The following LRP1B variants were observed in gnomAD, a reference collection of about 807,000 sequenced individuals.
The protein encoded by LRP1B is LDL receptor related protein 1B.
Under a neutral mutation model 556.6 loss-of-function variants are expected in LRP1B, and 217 were observed. The observed-to-expected ratio is 0.39, with a 90% CI of 0.35 to 0.44. LRP1B has a LOEUF of 0.44. LRP1B is among the 20% of genes least tolerant of loss of function. The probability of loss-of-function intolerance (pLI) is 1.00; values close to 1 mark genes in which losing one functional copy is unlikely to be tolerated. For synonymous variants in LRP1B, 2,047 were observed against 1,865.8 expected (o/e 1.10, Z -2.50); for missense variants, 5,053 against 5,620.8 (o/e 0.90, Z 3.23).
At chr2:141,172,188 A>G (rs1680528234) in intron 7 of LRP1B, among the ~76,000 whole-genome samples, 1 of 152,054 alleles carries the variant, frequency 6.6e-6, no homozygotes, top group African/African-American at 2.4e-5. Context: ...TGAGCTTCCC[A>G]TGCACTTCAT....
chr2:140,406,682 G>A (rs930455358), intron 66 of LRP1B, among the ~76,000 whole-genome samples: 1 of 152,078 alleles, frequency 6.6e-6, no homozygotes, highest in African/African-American at 2.4e-5. Flanking sequence ...ATTGTTGGAA[G>A]AAATCACTAA....
intron 1 of LRP1B, among the ~76,000 whole-genome samples, chr2:142,019,302 G>C (rs1372052350): frequency 6.6e-6 from 1 of 152,134 alleles, no homozygotes; most frequent in African/African-American, 2.4e-5. Context: ...TAGTTCAGTA[G>C]TTTAGTGTTG....
chr2:141,985,218 A>T (rs768306905), intron 1 of LRP1B, among the ~76,000 whole-genome samples: 7 of 152,126 alleles, frequency 4.6e-5, no homozygotes, highest in Non-Finnish European at 8.8e-5. Context: ...AGTTAAATGA[A>T]TTTGAAATAG....
intron 77 of LRP1B, among the ~76,000 whole-genome samples, chr2:140,340,768 T>C (rs1681350189): frequency 6.6e-6 from 1 of 151,468 alleles, no homozygotes; most frequent in East Asian, 1.9e-4. Flanking sequence ...CGGTTTGGTA[T>C]ATCGAAACCA....
intron 1 of LRP1B, among the ~76,000 whole-genome samples, chr2:142,075,742 C>G (rs751307550): frequency 6.6e-6 from 1 of 152,074 alleles, no homozygotes; most frequent in Non-Finnish European, 1.5e-5. Flanking sequence ...TTCCTCTCTC[C>G]CTGATAACTC....
chr2:140,343,002 GA>G (rs2105099984), intron 77 of LRP1B, among the ~76,000 whole-genome samples: 1 of 147,002 alleles, frequency 6.8e-6, no homozygotes, highest in South Asian at 2.1e-4. Flanking sequence ...TCATTTGAAG[GA>G]ATTTTTTTTG....
chr2:142,093,148 T>C (rs1205634023), intron 1 of LRP1B, among the ~76,000 whole-genome samples: 1 of 152,166 alleles, frequency 6.6e-6, no homozygotes, highest in Non-Finnish European at 1.5e-5. Context: ...CTCCATCTTG[T>C]CATCATGTCT....
intron 66 of LRP1B, among the ~76,000 whole-genome samples, chr2:140,420,350 C>T (rs1468216189): frequency 6.6e-6 from 1 of 152,110 alleles, no homozygotes; most frequent in East Asian, 1.9e-4. Flanking sequence ...ACTACACATC[C>T]ATCAGGATGG....
chr2:141,123,232 AAAGTAT>A (rs1192687845), intron 7 of LRP1B, among the ~76,000 whole-genome samples: 2 of 147,190 alleles, frequency 1.4e-5, no homozygotes, highest in South Asian at 4.4e-4. Context: ...CCTAGAACTT[AAAGTAT>A]AATAAAAAAA....
chr2:140,399,659 C>T (rs567343504), intron 66 of LRP1B, among the ~76,000 whole-genome samples: 39 of 152,230 alleles, frequency 2.6e-4, no homozygotes, highest in Middle Eastern at 3.4e-3. Context: ...ATTGTCAAAT[C>T]ATTTTTTATT....
chr2:141,994,640 TA>T (rs1312032776), intron 1 of LRP1B, among the ~76,000 whole-genome samples: 1 of 152,160 alleles, frequency 6.6e-6, no homozygotes, highest in Non-Finnish European at 1.5e-5. Context: ...GAAAACATTT[TA>T]AATGGGAGGT....
At chr2:141,190,000 A>C (rs1183883081) in intron 6 of LRP1B, among the ~76,000 whole-genome samples, 1 of 151,958 alleles carries the variant, frequency 6.6e-6, no homozygotes. Flanking sequence ...CACTACCTAT[A>C]ATCTCATCAG....
At chr2:141,235,615 T>C (rs2105306808) in intron 5 of LRP1B, among the ~76,000 whole-genome samples, 1 of 152,220 alleles carries the variant, frequency 6.6e-6, no homozygotes, top group African/African-American at 2.4e-5. Flanking sequence ...TTGAATATAT[T>C]GAGGAGAGAT....
At chr2:140,683,837 G>A in intron 41 of LRP1B, 1 of 644,904 alleles carries the variant, frequency 1.6e-6, no homozygotes, top group Non-Finnish European at 2.8e-6. Flanking sequence ...CTAGGCAGCA[G>A]CCGACCCCGA....
intron 59 of LRP1B, among the ~76,000 whole-genome samples, chr2:140,478,679 C>T (rs539789206): frequency 6.6e-6 from 1 of 152,172 alleles, no homozygotes; most frequent in Admixed American, 6.5e-5. Context: ...GCTCAGATCC[C>T]AGGTCCTCTC....
At chr2:140,274,998 CAG>C (rs1426540105) in intron 84 of LRP1B, among the ~76,000 whole-genome samples, 2 of 151,926 alleles carry the variant, frequency 1.3e-5, no homozygotes, top group African/African-American at 4.8e-5. Context: ...ATCTAGAGAA[CAG>C]AGTAATGTTT....
chr2:141,189,486 T>A (rs111329204), intron 6 of LRP1B, among the ~76,000 whole-genome samples: 183 of 152,100 alleles, frequency 1.2e-3, no homozygotes, highest in African/African-American at 3.6e-3. Context: ...TTAGGAAGGG[T>A]CTCTTCTTTC....
chr2:140,370,390 G>C (rs890453601), intron 71 of LRP1B, among the ~76,000 whole-genome samples: 8 of 152,046 alleles, frequency 5.3e-5, no homozygotes, highest in South Asian at 2.1e-4. Context: ...TACTTTTGTA[G>C]TCATGGTTTC....
At chr2:140,662,840 A>C (rs1460883177) in intron 41 of LRP1B, among the ~76,000 whole-genome samples, 1 of 152,150 alleles carries the variant, frequency 6.6e-6, no homozygotes, top group Non-Finnish European at 1.5e-5. Flanking sequence ...TTACACATAT[A>C]AAGAGGAAAT....
Sources: allele counts gnomAD v4.1 joint callset (sites outside exome capture counted in the v4.1 genomes callset), GRCh38; gene constraint gnomAD v4.1.1; transcripts MANE v1.5; gene names NCBI Gene and HGNC (gene_info 2026-07-23, HGNC 2026-07-21).